Variants in STK17A observed in about 807,000 individuals in gnomAD.
The protein encoded by STK17A is serine/threonine kinase 17a.
In STK17A, 26 loss-of-function variants were observed where a neutral mutation model predicts 43.7. The ratio of observed to expected loss-of-function variants is 0.60; its 90% CI spans 0.44 to 0.83. The LOEUF (loss-of-function observed/expected upper bound fraction) is 0.83. STK17A is among the 40% of genes least tolerant of loss of function. STK17A has a pLI of 0.00. For synonymous variants in STK17A, 191 were observed against 182.5 expected (o/e 1.05, Z -0.38); for missense variants, 476 against 511.6 (o/e 0.93, Z 0.67).
At chr7:43,592,687 TAAAAA>T (rs34551277) in intron 1 of STK17A, among the ~76,000 whole-genome samples, 1 of 109,518 alleles carries the variant, frequency 9.1e-6, no homozygotes. Context: ...CCATCTGTAC[TAAAAA>T]AAAAAAAAAA....
Position 43,585,710 on chromosome 7 carries a change from A to C in STK17A, c.206+2261A>C, listed in dbSNP as rs749822543. ...TTACTAGTTATGTGGACTTGAGTGC[A>C]TTACCTAACCGTTTATTGCCTCATA... On this transcript the variant is annotated intron_variant, in intron 1 of 6. Coordinates refer to ENST00000319357, the MANE Select transcript of STK17A (RefSeq NM_004760.3). Among the ~76,000 whole-genome samples the C allele has an allele frequency of 6.6e-5, 10 of 151,556 alleles. 1 individual carries two copies. The highest frequency in any genetic ancestry group is 1.2e-4 in the Non-Finnish European group (8 of 67,686).
At chr7:43,601,871 C>T (rs1167561084) in intron 2 of STK17A, among the ~76,000 whole-genome samples, 1 of 152,150 alleles carries the variant, frequency 6.6e-6, no homozygotes, top group Non-Finnish European at 1.5e-5. Flanking sequence ...TATAGCTTGG[C>T]AAGTCTGTAC....
chr7:43,585,196 C>T (rs2082430160), intron 1 of STK17A, among the ~76,000 whole-genome samples: 1 of 149,960 alleles, frequency 6.7e-6, no homozygotes, highest in Admixed American at 6.6e-5. Flanking sequence ...GACTCCATCT[C>T]CAAAAAAAAA....
chr7:43,603,093 G>A (rs1441726503), intron 2 of STK17A, among the ~76,000 whole-genome samples: 2 of 152,084 alleles, frequency 1.3e-5, no homozygotes, highest in African/African-American at 4.8e-5. Flanking sequence ...TAGCTTCTCA[G>A]CTGGTCACCC....
chr7:43,624,230 A>T (rs1402467816), intron 6 of STK17A, among the ~76,000 whole-genome samples: 3 of 152,224 alleles, frequency 2.0e-5, no homozygotes, highest in African/African-American at 7.2e-5. Context: ...ATTGACAGTG[A>T]AATGACAGCT....
chr7:43,585,021 AC>A, intron 1 of STK17A, among the ~76,000 whole-genome samples: 1 of 152,042 alleles, frequency 6.6e-6, no homozygotes, highest in Admixed American at 6.5e-5. Flanking sequence ...ACATGGTGAA[AC>A]CCCGTCTGTA....
At chr7:43,583,660 C>A (rs2082418113) in intron 1 of STK17A, among the ~76,000 whole-genome samples, 1 of 152,194 alleles carries the variant, frequency 6.6e-6, no homozygotes, top group Non-Finnish European at 1.5e-5. Context: ...GCCCAGCAAG[C>A]GAGTGGTGGT....
chr7:43,614,245 C>G (rs1350874654), intron 3 of STK17A, among the ~76,000 whole-genome samples: 1 of 152,140 alleles, frequency 6.6e-6, no homozygotes, highest in Non-Finnish European at 1.5e-5. Flanking sequence ...AAAAGACTTC[C>G]CTACAGCCAC....
At chr7:43,603,914 C>T (rs940012308) in intron 2 of STK17A, among the ~76,000 whole-genome samples, 1 of 152,110 alleles carries the variant, frequency 6.6e-6, no homozygotes, top group Admixed American at 6.6e-5. Context: ...TTTGGGTCCC[C>T]TCCCCCAATA....
intron 1 of STK17A, among the ~76,000 whole-genome samples, 155 bp downstream of exon 1, chr7:43,583,604 G>A (rs1467715104): frequency 6.6e-6 from 1 of 152,314 alleles, no homozygotes; most frequent in African/African-American, 2.4e-5. Context: ...GGTGCCGACG[G>A]CAAGTAGGGC....
At chr7:43,605,353 A>C (rs986118134) in intron 2 of STK17A, among the ~76,000 whole-genome samples, 2 of 152,220 alleles carry the variant, frequency 1.3e-5, no homozygotes, top group African/African-American at 4.8e-5. Flanking sequence ...ACAGACCTAG[A>C]ACTAGGTTAG....
chr7:43,616,624 G>A (rs1341809774), intron 3 of STK17A, among the ~76,000 whole-genome samples: 10 of 152,172 alleles, frequency 6.6e-5, no homozygotes, highest in African/African-American at 1.2e-4. Context: ...CTGGCCGGGC[G>A]CGGTGGCTCA....
chr7:43,602,376 C>T (rs1408855831), intron 2 of STK17A, among the ~76,000 whole-genome samples: 1 of 152,170 alleles, frequency 6.6e-6, no homozygotes, highest in Non-Finnish European at 1.5e-5. Flanking sequence ...TAGCATTCCT[C>T]ACCTTCCAGT....
intron 2 of STK17A, among the ~76,000 whole-genome samples, chr7:43,600,772 G>T (rs1412884478): frequency 6.6e-6 from 1 of 152,078 alleles, no homozygotes; most frequent in Admixed American, 6.6e-5. Flanking sequence ...ACATAATGGG[G>T]TCTCACTATG....
intron 2 of STK17A, among the ~76,000 whole-genome samples, chr7:43,607,508 GCGTGGTGGC>G (rs2082612254): frequency 2.0e-5 from 3 of 151,936 alleles, no homozygotes; most frequent in Non-Finnish European, 4.4e-5. Flanking sequence ...AATTAGCCGG[GCGTGGTGGC>G]CCACGCCTGT....
chr7:43,622,953 T>C (rs1330970374), intron 4 of STK17A: 1 of 152,458 alleles, frequency 6.6e-6, no homozygotes, highest in African/African-American at 2.4e-5. Context: ...CCTCCTGCCT[T>C]GGCCTTGCAA....
chr7:43,627,344 T>C lies in STK17A; in HGVS notation c.*2502T>C, dbSNP rs1217306708. ...TTAAATTTTTCCAGCTAACCTCAGT[T>C]TGGAAGAAAAATGTATTAAAGGGTT... On this transcript the variant is annotated 3_prime_UTR_variant, in exon 7 of 7. Transcript: ENST00000319357. 6.6e-6 allele frequency among the ~76,000 whole-genome samples: 1 copy of C among 152,156 alleles called. No homozygotes were observed. Among genetic ancestry groups the C allele is most frequent in the Non-Finnish European group, 1.5e-5 (1 of 68,022 alleles).
intron 1 of STK17A, among the ~76,000 whole-genome samples, chr7:43,587,147 G>GTTTTTTTTTTTTTT (rs202031785): frequency 2.6e-5 from 3 of 113,448 alleles, no homozygotes; most frequent in Admixed American, 9.9e-5. Flanking sequence ...TGTTTTTATT[G>GTTTTTTTTTTTTTT]TTTTTTGTTT....
At chr7:43,622,081 C>T (rs1304969696) in intron 4 of STK17A, among the ~76,000 whole-genome samples, 5 of 152,076 alleles carry the variant, frequency 3.3e-5, no homozygotes, top group Non-Finnish European at 5.9e-5. Flanking sequence ...TGTACAAAGC[C>T]CTTAAACCAG....
Sources: allele counts gnomAD v4.1 joint callset (sites outside exome capture counted in the v4.1 genomes callset), GRCh38; gene constraint gnomAD v4.1.1; transcripts MANE v1.5; gene names NCBI Gene and HGNC (gene_info 2026-07-23, HGNC 2026-07-21).